Variants in CDC42EP3 observed in about 807,000 individuals in gnomAD.
The protein encoded by CDC42EP3 is CDC42 effector protein 3, also known as CDC42 effector protein (Rho GTPase binding) 3.
A neutral mutation model predicts 15.5 loss-of-function variants in CDC42EP3; 4 were observed. The ratio of observed to expected loss-of-function variants is 0.26; its 90% CI spans 0.13 to 0.59. The LOEUF (loss-of-function observed/expected upper bound fraction) is 0.59, where lower values mean the gene tolerates loss of function less well. Among genes scored for constraint, CDC42EP3 ranks in the 20% least tolerant of loss-of-function variants. The probability of loss-of-function intolerance (pLI) is 0.89; values close to 1 mark genes in which losing one functional copy is unlikely to be tolerated. For missense variants in CDC42EP3, 309 were observed against 311.2 expected, an observed-to-expected ratio of 0.99 and a Z score of 0.05; for synonymous variants, 145 against 130.3, an observed-to-expected ratio of 1.11 and a Z score of -0.77.
chr2:37,646,259 G>A lies in CDC42EP3; in HGVS notation c.329C>T (p.Pro110Leu), dbSNP rs773224634. ...GAGAGCTTGGGATCCTCCAATGGTC[G>A]GGAGGGAGATGGCATTTTTGAGCAC... The part of the protein sequence containing the change: ...SPVLKNAISL[P>L]TIGGSQALML... The change falls in exon 2 of 2, where the codon CCG becomes CTG. Residue 110 changes from proline to leucine, a missense_variant. Transcript: ENST00000295324. 6.2e-6 allele frequency: 10 copies of A among 1,614,050 alleles called. No homozygotes were observed. Among genetic ancestry groups the A allele is most frequent in the Non-Finnish European group, 7.6e-6 (9 of 1,180,028 alleles).
rs1665368974 is a variant in CDC42EP3 at position 37,644,263 on chromosome 2, G to A, written c.*1560C>T. 6.6e-6 allele frequency: 1 copy of A among 152,148 alleles called. No individual in the cohort carries two copies. Among genetic ancestry groups the A allele is most frequent in the Non-Finnish European group, 1.5e-5 (1 of 68,026 alleles). The allele number at this position is 152,148 out of a possible 1,614,324, so 9.4% of individuals were successfully genotyped here. Reference sequence around the variant, plus strand: ...GTGGTTGGGAGAGGAGGTCATTTCTGAGATACATTTCCAGGAGAAATACAA... The same window carrying A: ...GTGGTTGGGAGAGGAGGTCATTTCTAAGATACATTTCCAGGAGAAATACAA... On this transcript the variant is annotated 3_prime_UTR_variant, in exon 2 of 2. Transcript: ENST00000295324.
At chr2:37,672,452 A>C (rs1317907494), upstream of CDC42EP3, 1 of 152,170 alleles carries the variant, frequency 6.6e-6, no homozygotes, top group Non-Finnish European at 1.5e-5. Flanking sequence ...GACGAGGCGC[A>C]AGTGGCGCAG....
intron 1 of CDC42EP3, among the ~76,000 whole-genome samples, chr2:37,663,501 C>A (rs1263710931): frequency 6.6e-6 from 1 of 152,190 alleles, no homozygotes; most frequent in Non-Finnish European, 1.5e-5. Context: ...TCCCAGGGCA[C>A]GAGAAAGCAT....
At chr2:37,649,581 A>T (rs1488504948) in intron 1 of CDC42EP3, among the ~76,000 whole-genome samples, 1 of 151,484 alleles carries the variant, frequency 6.6e-6, no homozygotes, top group African/African-American at 2.4e-5. Flanking sequence ...AGTGAGGAGG[A>T]AGAGCAAAGG....
chr2:37,644,602 A>C lies in CDC42EP3; in HGVS notation c.*1221T>G, dbSNP rs2124604521. Reference sequence around the variant, plus strand: ...AAGATGCTCAGAAATGACCACTGAGAGGGTGGCATCAGTGCTGACTTAAAA... The same window carrying C: ...AAGATGCTCAGAAATGACCACTGAGCGGGTGGCATCAGTGCTGACTTAAAA... On this transcript the variant is annotated 3_prime_UTR_variant, in exon 2 of 2. Transcript: ENST00000295324. 1 of 150,316 alleles carries C rather than the reference A, an allele frequency of 6.7e-6. No homozygotes were observed. The highest frequency in any genetic ancestry group is 6.6e-5 in the Admixed American group (1 of 15,052). The allele number at this position is 150,316 out of a possible 1,614,324, so 9.3% of individuals were successfully genotyped here.
intron 1 of CDC42EP3, among the ~76,000 whole-genome samples, chr2:37,660,918 A>G (rs1558342028): frequency 1.3e-5 from 2 of 152,188 alleles, no homozygotes; most frequent in African/African-American, 2.4e-5. Context: ...GTGGACCAGT[A>G]ATCATTGGAA....
chr2:37,659,262 G>A (rs1665978988), intron 1 of CDC42EP3, among the ~76,000 whole-genome samples: 1 of 152,212 alleles, frequency 6.6e-6, no homozygotes, highest in African/African-American at 2.4e-5. Context: ...CTTTAACCCT[G>A]CCTGCTCTAT....
At chr2:37,663,296 C>T (rs1040008669) in intron 1 of CDC42EP3, among the ~76,000 whole-genome samples, 28 of 152,236 alleles carry the variant, frequency 1.8e-4, no homozygotes, top group African/African-American at 6.0e-4. Flanking sequence ...GTGCCAGGCA[C>T]TATTCTAGAA....
intron 1 of CDC42EP3, among the ~76,000 whole-genome samples, chr2:37,660,055 A>C (rs191403350): frequency 6.6e-6 from 1 of 152,326 alleles, no homozygotes; most frequent in East Asian, 1.9e-4. Context: ...CAAACTTTAT[A>C]ATAACCACAG....
At chr2:37,667,915 G>C (rs1338288846) in intron 1 of CDC42EP3, among the ~76,000 whole-genome samples, 1 of 152,206 alleles carries the variant, frequency 6.6e-6, no homozygotes, top group East Asian at 1.9e-4. Context: ...TTCTGAGCCT[G>C]TGTTCTCATC....
chr2:37,646,544 T>C lies in CDC42EP3; in HGVS notation c.44A>G (p.Lys15Arg), dbSNP rs1558336239. Residue 15 changes from lysine (K) to arginine (R), a missense_variant, in exon 2 of 2, where the codon AAG becomes AGG. Coordinates refer to ENST00000295324, the MANE Select transcript of CDC42EP3 (RefSeq NM_006449.5). Reference protein sequence around the residue: ...TPIYLKAANNKKGKKFKLRDI... With the variant: ...TPIYLKAANNRKGKKFKLRDI... ...CCTCAGTTTAAATTTCTTTCCTTTCTTGTTATTGGCTGCTTTCAGGTAAAT... is the reference window on the plus strand; with the variant it reads ...CCTCAGTTTAAATTTCTTTCCTTTCCTGTTATTGGCTGCTTTCAGGTAAAT... 1 of 1,565,090 alleles carries C rather than the reference T, an allele frequency of 6.4e-7. No homozygotes were observed. Among genetic ancestry groups the C allele is most frequent in the Non-Finnish European group, 8.6e-7 (1 of 1,158,338 alleles).
chr2:37,652,680 C>A (rs1665728705), intron 1 of CDC42EP3, among the ~76,000 whole-genome samples: 1 of 152,114 alleles, frequency 6.6e-6, no homozygotes, highest in Non-Finnish European at 1.5e-5. Flanking sequence ...TCCTCCTGCC[C>A]CAGCATCCTG....
intron 1 of CDC42EP3, among the ~76,000 whole-genome samples, chr2:37,657,934 A>G (rs1665931169): frequency 6.6e-6 from 1 of 152,228 alleles, no homozygotes; most frequent in Non-Finnish European, 1.5e-5. Flanking sequence ...AAGTTGAGAA[A>G]TCCCAGTAAA....
Position 37,646,681 on chromosome 2 carries a change from G to T in CDC42EP3, c.-94C>A. 1 of 1,219,412 alleles carries T rather than the reference G, an allele frequency of 8.2e-7. No homozygotes were observed. The highest frequency in any genetic ancestry group is 1.1e-6 in the Non-Finnish European group (1 of 874,230). The allele number at this position is 1,219,412 out of a possible 1,614,324, so 75.5% of individuals were successfully genotyped here. ...TTCTGAATCCTTTTTGATAGGAACTGTCACATCATTTTTCTCAAGTGGCTT... is the reference window on the plus strand; with the variant it reads ...TTCTGAATCCTTTTTGATAGGAACTTTCACATCATTTTTCTCAAGTGGCTT... On this transcript the variant is annotated 5_prime_UTR_variant, in exon 2 of 2. Transcript: ENST00000295324.
At chr2:37,669,711 T>G (rs1666347269) in intron 1 of CDC42EP3, among the ~76,000 whole-genome samples, 1 of 152,182 alleles carries the variant, frequency 6.6e-6, no homozygotes, top group South Asian at 2.1e-4. Context: ...GATCCAGAAA[T>G]GCTTCCAAAT....
chr2:37,661,401 C>T (rs1242037575), intron 1 of CDC42EP3, among the ~76,000 whole-genome samples: 1 of 152,076 alleles, frequency 6.6e-6, no homozygotes, highest in African/African-American at 2.4e-5. Flanking sequence ...ATTAATAGGG[C>T]AAGTGACTTG....
chr2:37,661,226 G>T (rs1311804351), intron 1 of CDC42EP3, among the ~76,000 whole-genome samples: 1 of 151,966 alleles, frequency 6.6e-6, no homozygotes, highest in Non-Finnish European at 1.5e-5. Context: ...ACTATCACAT[G>T]TATCTTCAGT....
intron 1 of CDC42EP3, among the ~76,000 whole-genome samples, chr2:37,659,514 T>G (rs114704307): frequency 6.6e-6 from 1 of 152,222 alleles, no homozygotes; most frequent in East Asian, 1.9e-4. Flanking sequence ...AGGCAAATAT[T>G]TGTGGACATG....
chr2:37,656,641 A>G (rs552461935), intron 1 of CDC42EP3, among the ~76,000 whole-genome samples: 1 of 152,334 alleles, frequency 6.6e-6, no homozygotes, highest in East Asian at 1.9e-4. Context: ...TCTCCAGTCA[A>G]TCACCCAAAA....
Sources: allele counts gnomAD v4.1 joint callset (sites outside exome capture counted in the v4.1 genomes callset), GRCh38; gene constraint gnomAD v4.1.1; transcripts MANE v1.5; gene names NCBI Gene and HGNC (gene_info 2026-07-23, HGNC 2026-07-21).